Variants in CTNNA3 observed in about 807,000 individuals in gnomAD.
The protein encoded by CTNNA3 is catenin alpha 3.
In CTNNA3, 76 loss-of-function variants were observed where a neutral mutation model predicts 95.7. The ratio of observed to expected loss-of-function variants is 0.79; its 90% CI spans 0.66 to 0.96. The LOEUF (loss-of-function observed/expected upper bound fraction) is 0.96. Ranked by LOEUF, CTNNA3 falls within the 40% of genes least tolerant of loss-of-function variation. The pLI is 0.00. For synonymous variants in CTNNA3, 431 were observed against 374.4 expected, an observed-to-expected ratio of 1.15 and a Z score of -1.74; for missense variants, 1,191 against 1,089.8, an observed-to-expected ratio of 1.09 and a Z score of -1.31.
At chr10:67,675,563 T>G (rs1261398040) in intron 1 of CTNNA3, among the ~76,000 whole-genome samples, 1 of 152,188 alleles carries the variant, frequency 6.6e-6, no homozygotes, top group Non-Finnish European at 1.5e-5. Context: ...ACTCTGCCTT[T>G]TCTGCCCACA....
chr10:66,685,614 C>T (rs571413686), intron 9 of CTNNA3, among the ~76,000 whole-genome samples: 12 of 151,010 alleles, frequency 7.9e-5, no homozygotes, highest in South Asian at 2.1e-4. Context: ...CCTCGTGATC[C>T]GCCCACCTCG....
intron 14 of CTNNA3, among the ~76,000 whole-genome samples, chr10:66,074,947 CAA>C (rs1180818832): frequency 6.6e-6 from 1 of 151,730 alleles, no homozygotes; most frequent in Admixed American, 6.6e-5. Context: ...AAAAAAAACT[CAA>C]GACTTTTGAG....
intron 16 of CTNNA3, among the ~76,000 whole-genome samples, chr10:65,988,242 T>C (rs1161110129): frequency 6.6e-6 from 1 of 152,092 alleles, no homozygotes; most frequent in Non-Finnish European, 1.5e-5. Context: ...CATTACCTAA[T>C]TTGATCAATA....
chr10:66,435,261 G>A (rs1442243850), intron 11 of CTNNA3, among the ~76,000 whole-genome samples: 1 of 152,112 alleles, frequency 6.6e-6, no homozygotes, highest in Non-Finnish European at 1.5e-5. Flanking sequence ...ATTTGGCTGT[G>A]AATCTGTCTG....
intron 15 of CTNNA3, among the ~76,000 whole-genome samples, chr10:66,054,685 G>A (rs755741362): frequency 1.3e-5 from 2 of 152,070 alleles, no homozygotes; most frequent in African/African-American, 4.8e-5. Flanking sequence ...TTTTCACTTT[G>A]TTGATGATTT....
chr10:66,830,753 G>A (rs1361952101), intron 7 of CTNNA3, among the ~76,000 whole-genome samples: 1 of 152,070 alleles, frequency 6.6e-6, no homozygotes. Flanking sequence ...GGGACTACAG[G>A]CGCCCGCCAT....
intron 7 of CTNNA3, among the ~76,000 whole-genome samples, chr10:66,901,380 TA>T (rs1399436561): frequency 1.1e-4 from 16 of 152,154 alleles, no homozygotes; most frequent in Admixed American, 1.0e-3. Flanking sequence ...AAGGAAGCAC[TA>T]AACATGGAAA....
intron 1 of CTNNA3, among the ~76,000 whole-genome samples, chr10:67,676,281 C>T (rs757083903): frequency 9.2e-5 from 14 of 151,874 alleles, no homozygotes; most frequent in Non-Finnish European, 1.6e-4. Context: ...ATGCAAAGCA[C>T]AAGAACACAG....
intron 15 of CTNNA3, among the ~76,000 whole-genome samples, chr10:66,046,163 C>G (rs1419420354): frequency 6.6e-6 from 1 of 152,036 alleles, no homozygotes; most frequent in Admixed American, 6.6e-5. Flanking sequence ...CAACACAGAG[C>G]AAGGAGAACC....
At chr10:67,474,831 G>A (rs937547661) in intron 5 of CTNNA3, among the ~76,000 whole-genome samples, 31 of 152,272 alleles carry the variant, frequency 2.0e-4, no homozygotes, top group African/African-American at 5.8e-4. Context: ...TGCTGGGAAT[G>A]CAAAAAGGTA....
At chr10:66,199,771 A>ATATATATATATATG (rs2087210127) in intron 13 of CTNNA3, among the ~76,000 whole-genome samples, 1 of 5,006 alleles carries the variant, frequency 2.0e-4, no homozygotes, top group Non-Finnish European at 4.4e-4. Flanking sequence ...CTGGCTATAT[A>ATATATATATATATG]TATATATATA....
chr10:66,581,344 A>C (rs1589448576), intron 10 of CTNNA3, among the ~76,000 whole-genome samples: 1 of 151,580 alleles, frequency 6.6e-6, no homozygotes, highest in South Asian at 2.1e-4. Flanking sequence ...AGGTTGTACT[A>C]ATGTGTATTT....
intron 15 of CTNNA3, among the ~76,000 whole-genome samples, chr10:66,037,204 A>T (rs1321318117): frequency 6.6e-6 from 1 of 152,128 alleles, no homozygotes; most frequent in Non-Finnish European, 1.5e-5. Context: ...CACAGATATG[A>T]ATGATATAAG....
intron 10 of CTNNA3, among the ~76,000 whole-genome samples, chr10:66,581,475 G>C (rs969869692): frequency 6.6e-6 from 1 of 151,346 alleles, no homozygotes; most frequent in Non-Finnish European, 1.5e-5. Context: ...ATACATTGTG[G>C]TTTTAATTTG....
At chr10:67,354,908 T>C (rs1384658163) in intron 5 of CTNNA3, among the ~76,000 whole-genome samples, 3 of 151,988 alleles carry the variant, frequency 2.0e-5, no homozygotes. Context: ...CTATTTCTTA[T>C]TTGAAAAGGA....
chr10:67,123,819 C>G (rs1859580986), intron 7 of CTNNA3, among the ~76,000 whole-genome samples: 1 of 152,184 alleles, frequency 6.6e-6, no homozygotes, highest in Non-Finnish European at 1.5e-5. Context: ...ATGCTTTCTT[C>G]TTTCTACTCC....
At chr10:66,824,612 A>C (rs1842428044) in intron 7 of CTNNA3, among the ~76,000 whole-genome samples, 1 of 152,242 alleles carries the variant, frequency 6.6e-6, no homozygotes, top group African/African-American at 2.4e-5. Context: ...AATTAATAAA[A>C]TGACCTTTTC....
chr10:67,535,937 T>C (rs996293438), intron 4 of CTNNA3, among the ~76,000 whole-genome samples: 2 of 151,976 alleles, frequency 1.3e-5, no homozygotes, highest in South Asian at 4.2e-4. Flanking sequence ...AAATAGCCAT[T>C]CACATTATAA....
At chr10:67,402,236 T>A (rs1187160697) in intron 5 of CTNNA3, among the ~76,000 whole-genome samples, 1 of 152,164 alleles carries the variant, frequency 6.6e-6, no homozygotes, top group Non-Finnish European at 1.5e-5. Context: ...AATTCTCACT[T>A]AAAGAGAGAC....
Sources: gnomAD v4.1 joint callset for allele counts (sites outside exome capture counted in the v4.1 genomes callset) on GRCh38, gnomAD v4.1.1 for gene constraint, MANE v1.5 for transcripts, NCBI Gene and HGNC (gene_info 2026-07-23, HGNC 2026-07-21) for gene names.